Variants in PAIP1 observed in about 807,000 individuals in gnomAD.
PAIP1 encodes the protein polyadenylate-binding protein-interacting protein 1.
Under a neutral mutation model 61.3 loss-of-function variants are expected in PAIP1, and 16 were observed. The observed-to-expected ratio is 0.26, with a 90% CI of 0.18 to 0.40. The LOEUF (loss-of-function observed/expected upper bound fraction) is 0.40. Among genes scored for constraint, PAIP1 ranks in the 10% least tolerant of loss-of-function variants. The pLI, the probability that PAIP1 is intolerant of heterozygous loss-of-function variation, is 1.00. For missense variants in PAIP1, 416 were observed against 600.9 expected (o/e 0.69, Z 3.22); for synonymous variants, 187 against 226.2 (o/e 0.83, Z 1.56).
intron 10 of PAIP1, among the ~76,000 whole-genome samples, chr5:43,528,849 G>A (rs1468281865): frequency 6.6e-6 from 1 of 152,008 alleles, no homozygotes; most frequent in African/African-American, 2.4e-5. Context: ...AACAGAATTG[G>A]TACTAAACCT....
chr5:43,550,835 TA>T (rs1451926293), intron 2 of PAIP1, among the ~76,000 whole-genome samples: 2 of 4,488 alleles, frequency 4.5e-4, no homozygotes, highest in Non-Finnish European at 7.7e-4. Flanking sequence ...TGAAATATAC[TA>T]CAAAAAAAAA....
rs772298149 is a variant in PAIP1, at chr5:43,547,894, C to A, written c.455G>T (p.Cys152Phe). 7 of 1,608,578 alleles carry A rather than the reference C, an allele frequency of 4.4e-6. No homozygotes were observed. The South Asian group carries it at 7.7e-5, about 18-fold the overall frequency. ...TTCTGATAGAGTAGGATAATCCTCA[C>A]AACCATCCTCATAGGATTCCTACGG... ...SSYTESYEDG[C>F]EDYPTLSEYV... The change falls in exon 3 of 11, where the codon TGT (cysteine) becomes TTT (phenylalanine). Residue 152 changes from cysteine to phenylalanine, a missense_variant. Cys to Phe is a radical substitution (Grantham distance 205). This residue lies in a region of PAIP1 where 180 missense variants were observed against 211.2 expected (regional missense o/e 0.85). Coordinates refer to ENST00000306846, the MANE Select transcript of PAIP1 (RefSeq NM_006451.5).
At chr5:43,542,798 G>A (rs539532179) in intron 4 of PAIP1, among the ~76,000 whole-genome samples, 48 of 152,110 alleles carry the variant, frequency 3.2e-4, no homozygotes, top group Non-Finnish European at 5.9e-4. Context: ...CTTGGAAAAG[G>A]AAAGATCTTT....
At chr5:43,544,507 C>G (rs1747552258) in intron 3 of PAIP1, among the ~76,000 whole-genome samples, 1 of 152,170 alleles carries the variant, frequency 6.6e-6, no homozygotes, top group African/African-American at 2.4e-5. Context: ...CTACTTACAT[C>G]CCGGTTTTAC....
At chr5:43,541,590 T>A (rs900405155) in intron 4 of PAIP1, among the ~76,000 whole-genome samples, 2 of 150,326 alleles carry the variant, frequency 1.3e-5, no homozygotes, top group Non-Finnish European at 3.0e-5. Flanking sequence ...AAAGCTTGAA[T>A]TTTCAAGGGT....
intron 1 of PAIP1, 66 bp from the exon 2 acceptor site, chr5:43,556,065 C>T: frequency 2.0e-6 from 3 of 1,531,592 alleles, no homozygotes; most frequent in Non-Finnish European, 2.6e-6. Context: ...TTGCTATATA[C>T]TGAAAAACCA....
chr5:43,544,130 A>C (rs1260828105), intron 3 of PAIP1, among the ~76,000 whole-genome samples: 1 of 149,250 alleles, frequency 6.7e-6, no homozygotes, highest in East Asian at 2.0e-4. Flanking sequence ...GTGACAAAAC[A>C]AAGCCCCCAT....
chr5:43,529,762 A>G lies in PAIP1; in HGVS notation c.1346+24T>C, dbSNP rs770768016. 5.1e-6 allele frequency: 6 copies of G among 1,167,256 alleles called. No individual in the cohort carries two copies. The African/African-American group carries it at 6.0e-5, about 12-fold the overall frequency. The allele number at this position is 1,167,256 out of a possible 1,614,324, so 72.3% of individuals were successfully genotyped here. A position where few individuals can be genotyped will look rare whatever the true frequency, so the allele number is the denominator to read the frequency against. On this transcript the variant is annotated intron_variant, in intron 10 of 10. Transcript: ENST00000306846. ...TAAATTAGACACAGAAATTTCACGA[A>G]GTTAGTAACTGAAGAAAACTTACGG...
At chr5:43,535,156 G>A (rs1274025538) in intron 7 of PAIP1, among the ~76,000 whole-genome samples, 186 bp from the exon 8 acceptor site, 1 of 151,664 alleles carries the variant, frequency 6.6e-6, no homozygotes, top group African/African-American at 2.4e-5. Context: ...TATGTTCCAC[G>A]TAACTATGAC....
chr5:43,535,511 A>T, intron 7 of PAIP1, 23 bp downstream of exon 7: 1 of 1,268,476 alleles, frequency 7.9e-7, no homozygotes, highest in Non-Finnish European at 1.2e-6. Flanking sequence ...TGCACTGGCT[A>T]TTTACATTAC....
chr5:43,542,885 C>G (rs953244362), intron 4 of PAIP1, 119 bp downstream of exon 4: 1 of 540,540 alleles, frequency 1.9e-6, no homozygotes, highest in Non-Finnish European at 3.4e-6. Context: ...AAATATAATG[C>G]ACATAAGAAT....
chr5:43,527,455 A>G lies in PAIP1; in HGVS notation c.1361T>C (p.Ile454Thr), dbSNP rs751795197. 7 of 1,606,766 alleles carry G rather than the reference A, an allele frequency of 4.4e-6. No homozygotes were observed. The highest frequency in any genetic ancestry group is 2.2e-5 in the East Asian group (1 of 44,508). Residue 454 changes from isoleucine (I) to threonine (T), a missense_variant, in exon 11 of 11, where the codon ATT becomes ACT. Coordinates refer to ENST00000306846, the MANE Select transcript of PAIP1 (RefSeq NM_006451.5). ...TATCTCTGGGTCCATCTCATCATCA[A>G]TATCATCCAAGTATCTGTAAAAGCA... ...SGAGDPYLDDIDDEMDPEIEE... is the reference protein window; with the variant it reads ...SGAGDPYLDDTDDEMDPEIEE...
At chr5:43,543,927 A>G (rs980245674) in intron 3 of PAIP1, among the ~76,000 whole-genome samples, 4 of 152,090 alleles carry the variant, frequency 2.6e-5, no homozygotes, top group Admixed American at 6.5e-5. Flanking sequence ...GGATCGCTTG[A>G]GGCCATGAGT....
In PAIP1 at chr5:43,526,626, T is replaced by C. The variant is rs1291902705; in HGVS notation, c.*750A>G. The C allele has an allele frequency of 7.0e-6, 1 of 142,336 alleles. No homozygotes were observed. Among genetic ancestry groups the C allele is most frequent in the African/African-American group, 2.6e-5 (1 of 38,626 alleles). The allele number at this position is 142,336 out of a possible 1,614,324, so 8.8% of individuals were successfully genotyped here. A position where few individuals can be genotyped will look rare whatever the true frequency, so the allele number is the denominator to read the frequency against. ...TAAAATTCTCTAGTAAAAAAGTCGA[T>C]GCAACCCATGCTACAAAATAAAAGT... On this transcript the variant is annotated 3_prime_UTR_variant, in exon 11 of 11. Transcript: ENST00000306846.
intron 9 of PAIP1, among the ~76,000 whole-genome samples, chr5:43,531,484 TA>T (rs61298106): frequency 0.89 from 110,067 of 123,446 alleles, 49,035 homozygotes; most frequent in East Asian, 0.97. Context: ...CCTGTCTCAA[TA>T]AAAAAAAAAA....
intron 4 of PAIP1, among the ~76,000 whole-genome samples, chr5:43,542,043 G>T (rs1047530707): frequency 1.3e-5 from 2 of 151,328 alleles, no homozygotes; most frequent in African/African-American, 2.4e-5. Flanking sequence ...GGGCATGGTG[G>T]TACGCACCCA....
chr5:43,531,247 TCC>T (rs1746916821), intron 9 of PAIP1, among the ~76,000 whole-genome samples: 1 of 151,284 alleles, frequency 6.6e-6, no homozygotes, highest in East Asian at 1.9e-4. Flanking sequence ...ACTCTGTGGC[TCC>T]TGGCAGAAGG....
In PAIP1 at chr5:43,538,911, A is replaced by C; in HGVS notation, c.846+13T>G. The C allele has an allele frequency of 6.9e-7, 1 of 1,452,998 alleles. No individual in the cohort carries two copies. Among genetic ancestry groups the C allele is most frequent in the Non-Finnish European group, 9.7e-7 (1 of 1,035,224 alleles). The allele number at this position is 1,452,998 out of a possible 1,614,324, so 90.0% of individuals were successfully genotyped here. A position where few individuals can be genotyped will look rare whatever the true frequency, so the allele number is the denominator to read the frequency against. ...AGGCCTTGTTAGTACTTAACAAAAGAAAAACTTCTCACCTCCAGGTTAAGA... is the reference window on the plus strand; with the variant it reads ...AGGCCTTGTTAGTACTTAACAAAAGCAAAACTTCTCACCTCCAGGTTAAGA... On this transcript the variant is annotated intron_variant, in intron 5 of 10. Transcript: ENST00000306846.
At chr5:43,539,375 T>A (rs1243429375) in intron 4 of PAIP1, among the ~76,000 whole-genome samples, 1 of 152,066 alleles carries the variant, frequency 6.6e-6, no homozygotes, top group African/African-American at 2.4e-5. Flanking sequence ...GGTTTTTTAC[T>A]AAGAAAGCAC....
Sources: allele counts gnomAD v4.1 joint callset (sites outside exome capture counted in the v4.1 genomes callset), GRCh38; gene constraint gnomAD v4.1.1; regional missense constraint gnomAD v4.1.1; transcripts MANE v1.5; gene names NCBI Gene and HGNC (gene_info 2026-07-23, HGNC 2026-07-21).